Variants in MYO16 observed in about 807,000 individuals in gnomAD.
The protein encoded by MYO16 is myosin XVI, also known as unconventional myosin-XVI.
A neutral mutation model predicts 205.3 loss-of-function variants in MYO16; 94 were observed. The ratio of observed to expected loss-of-function variants is 0.46; its 90% confidence interval spans 0.39 to 0.54. MYO16 has a LOEUF of 0.54. Among genes scored for constraint, MYO16 ranks in the 20% least tolerant of loss-of-function variants. MYO16 has a pLI of 0.00. For synonymous variants in MYO16, 988 were observed against 954.0 expected (o/e 1.04, Z -0.66); for missense variants, 2,315 against 2,387.5 (o/e 0.97, Z 0.63).
intron 15 of MYO16, among the ~76,000 whole-genome samples, chr13:108,898,391 T>TAC (rs1453397093): frequency 2.0e-5 from 3 of 151,576 alleles, no homozygotes; most frequent in Non-Finnish European, 4.4e-5. Context: ...TGTGTGTGTA[T>TAC]ACATACCTAG....
At chr13:109,115,989 A>AC (rs1875660097) in intron 28 of MYO16, among the ~76,000 whole-genome samples, 1 of 152,190 alleles carries the variant, frequency 6.6e-6, no homozygotes, top group Admixed American at 6.5e-5. Flanking sequence ...AAACAAACAA[A>AC]AAACAGCAAA....
chr13:108,923,614 C>T (rs1881846349), intron 16 of MYO16, among the ~76,000 whole-genome samples: 2 of 152,218 alleles, frequency 1.3e-5, no homozygotes, highest in South Asian at 4.1e-4. Flanking sequence ...GGGGCCCTCG[C>T]CTTCCTGCTT....
chr13:109,180,997 A>G (rs1178265296), intron 34 of MYO16, among the ~76,000 whole-genome samples: 2 of 152,174 alleles, frequency 1.3e-5, no homozygotes, highest in Non-Finnish European at 2.9e-5. Flanking sequence ...TTACAACACA[A>G]TGCTAGGCCA....
Position 109,140,239 on chromosome 13 carries a change from C to T in MYO16, c.4052-25C>T, listed in dbSNP as rs753012756. On this transcript the variant is annotated intron_variant, in intron 31 of 34. Transcript: ENST00000457511. This position sits in a 1 kb window ranked among gnomAD's most constrained non-coding sequence, Gnocchi z 8.0. The stretch of plus-strand genomic sequence containing the variant: ...ACCCGTGGGCCTGGCCTGGCACCCA[C>T]TGACCGCGTCCTTTCCTGCCGCAGC... 7 of 1,596,400 alleles carry T rather than the reference C, an allele frequency of 4.4e-6. No homozygotes were observed. The East Asian group carries it at 1.6e-4, about 36-fold the overall frequency.
At chr13:109,093,089 A>G (rs769733543) in intron 27 of MYO16, among the ~76,000 whole-genome samples, 1 of 152,182 alleles carries the variant, frequency 6.6e-6, no homozygotes, top group African/African-American at 2.4e-5. Flanking sequence ...TGAGTCCTTG[A>G]TGTTGAGAAT....
chr13:109,083,070 C>T (rs1888329273), intron 27 of MYO16, among the ~76,000 whole-genome samples: 1 of 152,042 alleles, frequency 6.6e-6, no homozygotes, highest in African/African-American at 2.4e-5. Flanking sequence ...GAATATAAAG[C>T]TTATGCAAAT....
chr13:108,721,225 C>T (rs999525572), intron 3 of MYO16, among the ~76,000 whole-genome samples: 2 of 152,188 alleles, frequency 1.3e-5, no homozygotes, highest in Non-Finnish European at 2.9e-5. Flanking sequence ...TCTAACCACA[C>T]GGTCAAAGCT....
the MYO16 span, among the ~76,000 whole-genome samples, chr13:108,520,178 C>T: frequency 1.3e-5 from 2 of 152,146 alleles, no homozygotes; most frequent in African/African-American, 4.8e-5. Context: ...CATTTAATAT[C>T]ACCATCATGG....
rs7334647 is a variant in MYO16, at chr13:109,037,955, A to C, written c.2797-8961A>C. 5.7e-4 allele frequency among the ~76,000 whole-genome samples: 86 copies of C among 152,132 alleles called. 1 individual carries two copies. The South Asian group carries it at 0.016, about 28-fold the overall frequency. On this transcript the variant is annotated intron_variant, in intron 23 of 34. Coordinates refer to ENST00000457511, the MANE Select transcript of MYO16 (RefSeq NM_001198950.3). Reference sequence around the variant, plus strand: ...TGGAAAGGAGTTTATTGAAAGGAAAAGCAGCAGTGATGGCAAGGGAGGAAT... The same window carrying C: ...TGGAAAGGAGTTTATTGAAAGGAAACGCAGCAGTGATGGCAAGGGAGGAAT...
chr13:108,535,905 G>A, the MYO16 span, among the ~76,000 whole-genome samples: 1 of 152,062 alleles, frequency 6.6e-6, no homozygotes, highest in Admixed American at 6.6e-5. Context: ...TGAAAATTTG[G>A]AGTGGGGATA....
At chr13:109,126,413 G>A (rs367747727) in intron 30 of MYO16, among the ~76,000 whole-genome samples, 5 of 152,140 alleles carry the variant, frequency 3.3e-5, no homozygotes, top group African/African-American at 1.2e-4. Flanking sequence ...AAAAACAAAC[G>A]CTTGGAAACT....
rs1319654249 is a variant in MYO16 at position 109,206,919 on chromosome 13, G to A, written c.*83G>A. On this transcript the variant is annotated 3_prime_UTR_variant, in exon 35 of 35. Transcript: ENST00000457511. ...AACAGAAGGCTGCCTTCTGACATGC[G>A]CTGGGGCTTCTCTCCACGCATTTAG... 4.8e-6 allele frequency: 6 copies of A among 1,242,696 alleles called. No homozygotes were observed. The highest frequency in any genetic ancestry group is 2.5e-5 in the East Asian group (1 of 39,562). 77.0% of individuals were successfully genotyped at this position (1,242,696 alleles called of 1,614,324 possible). A position where few individuals can be genotyped will look rare whatever the true frequency, so the allele number is the denominator to read the frequency against.
chr13:108,842,037 T>C (rs1877268495), intron 9 of MYO16, among the ~76,000 whole-genome samples: 1 of 152,036 alleles, frequency 6.6e-6, no homozygotes, highest in Non-Finnish European at 1.5e-5. Flanking sequence ...AAGAATGAAA[T>C]TGGACCCTTT....
At chr13:109,076,133 C>A (rs1210741015) in intron 27 of MYO16, among the ~76,000 whole-genome samples, 1 of 152,002 alleles carries the variant, frequency 6.6e-6, no homozygotes, top group East Asian at 1.9e-4. Flanking sequence ...TGTTCTCTGT[C>A]TTTTTTTCTT....
chr13:108,794,592 C>A (rs749783845), intron 6 of MYO16, among the ~76,000 whole-genome samples: 1 of 152,160 alleles, frequency 6.6e-6, no homozygotes, highest in African/African-American at 2.4e-5. Context: ...TTATGGCTCT[C>A]AAGCACTGTT....
Position 109,052,294 on chromosome 13 carries a change from T to A in MYO16, c.2873-6T>A. 1 of 1,610,028 alleles carries A rather than the reference T, an allele frequency of 6.2e-7. No homozygotes were observed. On this transcript the variant is annotated splice_polypyrimidine_tract_variant and splice_region_variant and intron_variant, in intron 24 of 34. Transcript: ENST00000457511. ...CACTTACGATATTCATTTATTTATT[T>A]CCTAGCTAGTGAAAATGTCGTGATC...
At chr13:108,877,845 C>T (rs570430528) in intron 12 of MYO16, among the ~76,000 whole-genome samples, 1 of 152,228 alleles carries the variant, frequency 6.6e-6, no homozygotes, top group African/African-American at 2.4e-5. Flanking sequence ...TAAGATCGCT[C>T]CATCATTCTC....
At chr13:109,113,020 C>T (rs1272757111) in intron 28 of MYO16, among the ~76,000 whole-genome samples, 2 of 152,130 alleles carry the variant, frequency 1.3e-5, no homozygotes, top group Non-Finnish European at 2.9e-5. Context: ...GAGATGTATA[C>T]AAGGTACACT....
intron 34 of MYO16, among the ~76,000 whole-genome samples, chr13:109,193,102 ACT>A (rs138042061): frequency 1.5e-4 from 23 of 149,586 alleles, no homozygotes; most frequent in East Asian, 5.9e-4. Context: ...CTTCATACAT[ACT>A]CTCTCTCTCT....
Sources: allele counts gnomAD v4.1 joint callset (sites outside exome capture counted in the v4.1 genomes callset), GRCh38; gene constraint gnomAD v4.1.1; non-coding constraint Gnocchi (gnomAD v3.1); transcripts MANE v1.5; gene names NCBI Gene and HGNC (gene_info 2026-07-23, HGNC 2026-07-21).